RALA: variants seen among roughly 807,000 people sequenced by gnomAD.
RALA encodes ras-related protein Ral-A.
Under a neutral mutation model 24.0 loss-of-function variants are expected in RALA, and 5 were observed. The ratio of observed to expected loss-of-function variants is 0.21; its 90% confidence interval spans 0.11 to 0.44. The LOEUF is 0.44. Ranked by LOEUF, RALA falls within the 20% of genes least tolerant of loss-of-function variation. RALA has a pLI of 0.99. For missense variants in RALA, 95 were observed against 241.2 expected (o/e 0.39, Z 4.01); for synonymous variants, 77 against 83.8 (o/e 0.92, Z 0.44).
At chr7:39,625,537 A>G (rs920939900) in intron 1 of RALA, among the ~76,000 whole-genome samples, 2 of 152,192 alleles carry the variant, frequency 1.3e-5, no homozygotes, top group African/African-American at 4.8e-5. Flanking sequence ...AATACACGCA[A>G]TCCTCTGAAA....
At chr7:39,654,983 A>C (rs1792073017) in intron 1 of RALA, among the ~76,000 whole-genome samples, 1 of 152,168 alleles carries the variant, frequency 6.6e-6, no homozygotes, top group Admixed American at 6.5e-5. Flanking sequence ...TCCTGAGCTC[A>C]AGCAATCCTC....
intron 1 of RALA, among the ~76,000 whole-genome samples, chr7:39,672,482 C>G (rs2116027237): frequency 6.6e-6 from 1 of 152,238 alleles, no homozygotes; most frequent in South Asian, 2.1e-4. Flanking sequence ...AACATTTAAT[C>G]ACACACCATA....
At chr7:39,659,486 C>A (rs1792149201) in intron 1 of RALA, among the ~76,000 whole-genome samples, 1 of 151,664 alleles carries the variant, frequency 6.6e-6, no homozygotes, top group Admixed American at 6.6e-5. Context: ...TTTTATCTTT[C>A]ATGAAAAGGA....
intron 1 of RALA, among the ~76,000 whole-genome samples, chr7:39,630,884 A>C (rs925682467): frequency 6.6e-6 from 1 of 152,186 alleles, no homozygotes; most frequent in South Asian, 2.1e-4. Flanking sequence ...AGTATGTTTT[A>C]ATGTTTGGTA....
intron 1 of RALA, among the ~76,000 whole-genome samples, chr7:39,656,618 C>G (rs866059399): frequency 1.8e-4 from 28 of 152,190 alleles, no homozygotes; most frequent in African/African-American, 6.5e-4. Flanking sequence ...TTTTTGAACA[C>G]CTGGCATAAC....
intron 4 of RALA, chr7:39,702,935 T>C (rs1793054841): frequency 6.6e-6 from 1 of 152,238 alleles, no homozygotes; most frequent in South Asian, 2.1e-4. Context: ...TGTACTATAC[T>C]ATTGTAGATG....
intron 1 of RALA, among the ~76,000 whole-genome samples, chr7:39,672,641 T>A (rs1792409685): frequency 8.9e-6 from 1 of 111,830 alleles, no homozygotes; most frequent in Non-Finnish European, 1.8e-5. Context: ...TGGAATACTA[T>A]TCAGTCGTAA....
intron 1 of RALA, among the ~76,000 whole-genome samples, chr7:39,667,262 C>A (rs1221091431): frequency 6.6e-6 from 1 of 152,170 alleles, no homozygotes; most frequent in African/African-American, 2.4e-5. Flanking sequence ...CAAGTCAACT[C>A]AGGATTTTAA....
intron 4 of RALA, 70 bp from the exon 5 acceptor site, chr7:39,706,053 G>A: frequency 7.3e-7 from 1 of 1,372,214 alleles, no homozygotes; most frequent in Admixed American, 2.4e-5. Flanking sequence ...AAAGTTTACT[G>A]CTGTGATTTG....
chr7:39,653,264 A>C (rs181147321), intron 1 of RALA, among the ~76,000 whole-genome samples: 40 of 151,656 alleles, frequency 2.6e-4, no homozygotes, highest in Admixed American at 1.5e-3. Context: ...TCCTGACCTT[A>C]TCATCCGCCT....
intron 1 of RALA, among the ~76,000 whole-genome samples, chr7:39,649,513 T>G (rs2115965217): frequency 6.6e-6 from 1 of 152,286 alleles, no homozygotes; most frequent in East Asian, 1.9e-4. Context: ...CTAGGCCCTT[T>G]TTTGCTCTTC....
rs528168960 is a variant in RALA at position 39,632,341 on chromosome 7, A to G, written c.-38+8516A>G. Among the ~76,000 whole-genome samples the G allele has an allele frequency of 5.3e-5, 8 of 152,324 alleles. No individual in the cohort carries two copies. The South Asian group carries it at 1.7e-3, about 32-fold the overall frequency. ...AACTATTTATCTAATTGCACTGACT[A>G]ATATCTCCAGAACAAGATTAAATAG... On this transcript the variant is annotated intron_variant, in intron 1 of 4. Coordinates refer to ENST00000005257, the MANE Select transcript of RALA (RefSeq NM_005402.4).
At chr7:39,631,486 G>C (rs748732861) in intron 1 of RALA, among the ~76,000 whole-genome samples, 2 of 152,230 alleles carry the variant, frequency 1.3e-5, no homozygotes, top group Non-Finnish European at 2.9e-5. Flanking sequence ...AGCCACCCAA[G>C]TAGATGATAG....
intron 3 of RALA, among the ~76,000 whole-genome samples, chr7:39,690,936 C>T (rs1002969413): frequency 2.0e-5 from 3 of 152,170 alleles, no homozygotes; most frequent in African/African-American, 7.2e-5. Context: ...GGAGCTTACT[C>T]AGGTTTTACA....
intron 1 of RALA, among the ~76,000 whole-genome samples, chr7:39,674,986 G>A (rs762481285): frequency 6.6e-6 from 1 of 151,814 alleles, no homozygotes. Context: ...ACCACACCCC[G>A]CTAATTTTGT....
At chr7:39,671,423 A>T (rs1792385676) in intron 1 of RALA, among the ~76,000 whole-genome samples, 1 of 152,170 alleles carries the variant, frequency 6.6e-6, no homozygotes, top group Admixed American at 6.6e-5. Context: ...TGCTACTGGT[A>T]ATGATTTTGC....
intron 1 of RALA, among the ~76,000 whole-genome samples, chr7:39,644,702 A>G (rs1041136655): frequency 6.6e-6 from 1 of 152,210 alleles, no homozygotes; most frequent in East Asian, 1.9e-4. Context: ...GATTTAAACT[A>G]TCTAATTTCA....
At chr7:39,628,193 T>C (rs1251894623) in intron 1 of RALA, among the ~76,000 whole-genome samples, 7 of 152,148 alleles carry the variant, frequency 4.6e-5, no homozygotes, top group African/African-American at 1.7e-4. Context: ...AAAATTACAA[T>C]TAGGTTCTCT....
At chr7:39,659,750 GAAAGGAGTACTA>G (rs991758571) in intron 1 of RALA, among the ~76,000 whole-genome samples, 7 of 152,198 alleles carry the variant, frequency 4.6e-5, no homozygotes, top group African/African-American at 1.7e-4. Context: ...GGCCACTGCA[GAAAGGAGTACTA>G]AAGCCCAGAA....
Sources: allele counts gnomAD v4.1 joint callset (sites outside exome capture counted in the v4.1 genomes callset), GRCh38; gene constraint gnomAD v4.1.1; transcripts MANE v1.5; gene names NCBI Gene and HGNC (gene_info 2026-07-23, HGNC 2026-07-21).